CFAP47: variants seen among roughly 807,000 people sequenced by gnomAD.
CFAP47 encodes cilia and flagella associated protein 47, also known as cilia- and flagella-associated protein 47.
In CFAP47, 29 loss-of-function variants were observed where a neutral mutation model predicts 148.1. The ratio of observed to expected loss-of-function variants is 0.20; its 90% CI spans 0.15 to 0.27. The LOEUF (loss-of-function observed/expected upper bound fraction) is 0.27. Among genes scored for constraint, CFAP47 ranks in the 10% least tolerant of loss-of-function variants. The pLI is 1.00. For missense variants in CFAP47, 1,872 were observed against 1,697.5 expected, an observed-to-expected ratio of 1.10 and a Z score of -1.81; for synonymous variants, 664 against 577.3, an observed-to-expected ratio of 1.15 and a Z score of -2.15.
chrX:36,149,878 G>A (rs888430963), intron 37 of CFAP47, among the ~76,000 whole-genome samples: 1 of 109,713 alleles, frequency 9.1e-6, no homozygotes, highest in African/African-American at 3.3e-5. Context: ...CAAAGTGCTG[G>A]GATTACAGGC....
At chrX:35,936,037 A>T (rs1269535582) in intron 2 of CFAP47, among the ~76,000 whole-genome samples, 1 of 111,700 alleles carries the variant, frequency 9.0e-6, no homozygotes, top group Admixed American at 9.5e-5. Flanking sequence ...TTGAATTTGT[A>T]TGTCAGTGTC....
At chrX:35,924,705 T>G (rs1170731868) in intron 1 of CFAP47, among the ~76,000 whole-genome samples, 1 of 110,806 alleles carries the variant, frequency 9.0e-6, no homozygotes, top group African/African-American at 3.3e-5. Context: ...GAAGCCACGT[T>G]AGTTCTATAA....
At chrX:35,950,274 A>G (rs1023033078) in intron 4 of CFAP47, among the ~76,000 whole-genome samples, 1 of 112,159 alleles carries the variant, frequency 8.9e-6, no homozygotes, top group Non-Finnish European at 1.9e-5. Flanking sequence ...AGAGTGGAAT[A>G]AAATGAAAGA....
chrX:35,952,091 G>A, intron 6 of CFAP47, 128 bp downstream of exon 6: 1 of 669,998 alleles, frequency 1.5e-6, no homozygotes, highest in Non-Finnish European at 2.1e-6. Context: ...GATTTTTCTT[G>A]TCATGGTTCT....
In CFAP47 at chrX:35,941,347, A is replaced by G. The variant is rs773507455; in HGVS notation, c.466A>G (p.Ser156Gly). The G allele has an allele frequency of 2.0e-5, 24 of 1,170,906 alleles. No individual in the cohort carries two copies. Among genetic ancestry groups the G allele is most frequent in the Middle Eastern group, 2.4e-4 (1 of 4,089 alleles). ...TAATTTTGGCACACTGGTTGCCAAT[A>G]GTAAAGTATATTCTAAAGAGATTAC... ...VVNFGTLVAN[S>G]KVYSKEITIT... is the part of the protein sequence containing the mutation. Residue 156 changes from serine to glycine, a missense_variant, in exon 3 of 64, where the codon AGT becomes GGT. By Grantham distance (56) the Ser-to-Gly change is moderately conservative. Coordinates refer to ENST00000378653, the MANE Select transcript of CFAP47 (RefSeq NM_001304548.2).
At chrX:36,025,347 A>G (rs896925424) in intron 22 of CFAP47, among the ~76,000 whole-genome samples, 3 of 111,352 alleles carry the variant, frequency 2.7e-5, no homozygotes, top group African/African-American at 6.5e-5. Flanking sequence ...GAAATTGGCT[A>G]TCTTGACTGG....
chrX:36,259,296 T>C (rs1940790280), intron 49 of CFAP47, among the ~76,000 whole-genome samples: 1 of 111,399 alleles, frequency 9.0e-6, no homozygotes, highest in Admixed American at 9.6e-5. Context: ...TGTGAGAAAC[T>C]GGCTTAGGGC....
At chrX:36,350,213 G>A in intron 59 of CFAP47, 81 bp downstream of exon 59, 2 of 651,389 alleles carry the variant, frequency 3.1e-6, no homozygotes, top group Non-Finnish European at 4.8e-6. Flanking sequence ...TTTGTTTGAA[G>A]TCCAGAGAAA....
chrX:36,341,450 T>C (rs1556015753), intron 57 of CFAP47, among the ~76,000 whole-genome samples: 1 of 111,469 alleles, frequency 9.0e-6, no homozygotes, highest in African/African-American at 3.3e-5. Context: ...AGAAATGTAA[T>C]ACAACTAAAG....
chrX:36,129,880 T>G (rs1358923478), intron 33 of CFAP47, among the ~76,000 whole-genome samples: 1 of 111,099 alleles, frequency 9.0e-6, no homozygotes, highest in Non-Finnish European at 1.9e-5. Context: ...AAAAAACACT[T>G]ACAAGTCAGT....
chrX:35,949,174 T>TGTGTGTGTGTGTG (rs1569211174), intron 4 of CFAP47, among the ~76,000 whole-genome samples: 1 of 109,070 alleles, frequency 9.2e-6, no homozygotes, highest in African/African-American at 3.3e-5. Context: ...TGTGTGTGTG[T>TGTGTGTGTGTGTG]TCCGGCACTG....
rs782773529 is a variant in CFAP47, at chrX:36,359,791, C to T, written c.8852-1539C>T. Among the ~76,000 whole-genome samples the T allele has an allele frequency of 6.3e-5, 7 of 111,259 alleles. No homozygotes were observed. The Admixed American group carries it at 6.7e-4, about 11-fold the overall frequency. ...TTTGAGACGGAATCTCGCTCTGTCA[C>T]CCAGGCTGGAGTGTGATGGCACAAT... On this transcript the variant is annotated intron_variant, in intron 60 of 63. Coordinates refer to ENST00000378653, the MANE Select transcript of CFAP47 (RefSeq NM_001304548.2).
At chrX:36,313,153 C>G (rs6632564) in intron 56 of CFAP47, among the ~76,000 whole-genome samples, 2 of 110,592 alleles carry the variant, frequency 1.8e-5, no homozygotes. Context: ...GCAAAATATA[C>G]TCATTAAAAA....
intron 47 of CFAP47, 62 bp from the exon 48 acceptor site, chrX:36,236,624 A>C: frequency 2.1e-6 from 1 of 479,821 alleles, no homozygotes. Flanking sequence ...ATAAGATAGC[A>C]GAGGTTGTTT....
Position 36,035,834 on chromosome X carries a change from T to C in CFAP47, c.3791T>C (p.Val1264Ala). 6.8e-6 allele frequency: 2 copies of C among 296,075 alleles called. No homozygotes were observed. The highest frequency in any genetic ancestry group is 1.2e-5 in the Non-Finnish European group (2 of 169,317). 24.4% of individuals were successfully genotyped at this position (296,075 alleles called of 1,213,427 possible). The change falls in exon 24 of 64, where the codon GTT (valine) becomes GCT (alanine). Residue 1264 changes from valine to alanine, a missense_variant. Coordinates refer to ENST00000378653, the MANE Select transcript of CFAP47 (RefSeq NM_001304548.2). ...CTACGACCAAATGAAAAGTATAATG[T>C]TTCCATAAGTTTCTGTCCAAGTAAG... ...GILRPNEKYN[V>A]SISFCPNRPG...
chrX:35,926,349 A>T (rs1038263766), intron 2 of CFAP47, among the ~76,000 whole-genome samples, 181 bp downstream of exon 2: 1 of 112,393 alleles, frequency 8.9e-6, no homozygotes, highest in Non-Finnish European at 1.9e-5. Context: ...ATTTTTATTT[A>T]AAAAACGACA....
At chrX:36,188,255 G>C (rs149262783) in intron 40 of CFAP47, among the ~76,000 whole-genome samples, 36 of 111,551 alleles carry the variant, frequency 3.2e-4, no homozygotes, top group African/African-American at 1.1e-3. Context: ...TTTGGAAAAA[G>C]TACCTATTTA....
intron 49 of CFAP47, among the ~76,000 whole-genome samples, chrX:36,256,729 A>G (rs782772885): frequency 3.6e-5 from 4 of 112,006 alleles, no homozygotes; most frequent in Non-Finnish European, 7.5e-5. Context: ...TAAATAATTA[A>G]TTTGGGGCTT....
rs1556016923 is a variant in CFAP47 at position 36,348,258 on chromosome X, A to G, written c.8573A>G (p.Asn2858Ser). The change falls in exon 58 of 64, where the codon AAT becomes AGT. Residue 2858 changes from asparagine to serine, a missense_variant. Physicochemically the swap from Asn to Ser is conservative, Grantham distance 46. Coordinates refer to ENST00000378653, the MANE Select transcript of CFAP47 (RefSeq NM_001304548.2). ...AATGGAAAATATTGGCCTATTGACA[A>G]TTTTGATGAGTTGGATATAAAATTT... The part of the protein sequence containing the change: ...KANGKYWPID[N>S]FDELDIKFKS... 2.9e-6 allele frequency: 3 copies of G among 1,032,894 alleles called. No homozygotes were observed. The highest frequency in any genetic ancestry group is 3.7e-6 in the Non-Finnish European group (3 of 801,348). 85.1% of individuals were successfully genotyped at this position (1,032,894 alleles called of 1,213,427 possible).
Sources: gnomAD v4.1 joint callset for allele counts (sites outside exome capture counted in the v4.1 genomes callset) on GRCh38, gnomAD v4.1.1 for gene constraint, MANE v1.5 for transcripts, NCBI Gene and HGNC (gene_info 2026-07-23, HGNC 2026-07-21) for gene names.